The following CCT6B variants were observed in gnomAD, a reference collection of about 807,000 sequenced individuals.
CCT6B encodes chaperonin containing TCP1 subunit 6B, also known as probable T-complex protein 1 subunit zeta-2.
CCT6B carries 49 observed loss-of-function variants against 61.5 expected under a neutral mutation model. The ratio of observed to expected loss-of-function variants is 0.80; its 90% CI spans 0.63 to 1.01. CCT6B has a LOEUF of 1.01. Among genes scored for constraint, CCT6B ranks in the 50% least tolerant of loss-of-function variants. CCT6B has a pLI of 0.00. For missense variants in CCT6B, 666 were observed against 634.7 expected, an observed-to-expected ratio of 1.05 and a Z score of -0.53; for synonymous variants, 228 against 214.5, an observed-to-expected ratio of 1.06 and a Z score of -0.55.
chr17:34,961,233 T>C (rs2090412385), intron 1 of CCT6B, 24 bp downstream of exon 1: 2 of 1,585,052 alleles, frequency 1.3e-6, no homozygotes. Flanking sequence ...AGCCGCGTAA[T>C]GGCCGCTCCA....
At chr17:34,932,788 C>CA (rs1555548388) in intron 10 of CCT6B, among the ~76,000 whole-genome samples, 1 of 151,582 alleles carries the variant, frequency 6.6e-6, no homozygotes. Context: ...TTTATAACTA[C>CA]TTTTTTTTTC....
chr17:34,960,083 C>T (rs1049017351), intron 1 of CCT6B, among the ~76,000 whole-genome samples: 1 of 152,190 alleles, frequency 6.6e-6, no homozygotes, highest in African/African-American at 2.4e-5. Context: ...AATCTGCCAC[C>T]TTCTCTCCAT....
chr17:34,941,657 T>C (rs1468504144), intron 7 of CCT6B, among the ~76,000 whole-genome samples: 1 of 152,232 alleles, frequency 6.6e-6, no homozygotes, highest in Non-Finnish European at 1.5e-5. Flanking sequence ...TGTCAGTCAT[T>C]CTTCCAGGTA....
chr17:34,939,163 A>G lies in CCT6B; in HGVS notation c.1213+20T>C, dbSNP rs1308600999. The G allele has an allele frequency of 2.5e-6, 4 of 1,606,256 alleles. No homozygotes were observed. Among genetic ancestry groups the G allele is most frequent in the Non-Finnish European group, 3.4e-6 (4 of 1,173,344 alleles). ...CACACATATACATGAGGTTCATATC[A>G]ATCACAAGAAAGAGCTTACCATCTT... On this transcript the variant is annotated intron_variant, in intron 10 of 13. Coordinates refer to ENST00000314144, the MANE Select transcript of CCT6B (RefSeq NM_006584.4).
chr17:34,961,275 G>A lies in CCT6B; in HGVS notation c.119C>T (p.Pro40Leu). Residue 40 changes from proline to leucine, a missense_variant, in exon 1 of 14, where the codon CCT (proline) becomes CTT (leucine). Coordinates refer to ENST00000314144, the MANE Select transcript of CCT6B (RefSeq NM_006584.4). ...GTCTCACATTTTCATGGTGCCTTTA[G>A]GACCCAAGTTGGTCCGCAGCACATC... is the stretch of plus-strand genomic sequence containing the variant. ...LQDVLRTNLG[P>L]KGTMKMLVSG... is the part of the protein sequence containing the mutation. The A allele has an allele frequency of 2.5e-6, 4 of 1,610,898 alleles. No individual in the cohort carries two copies. Among genetic ancestry groups the A allele is most frequent in the Non-Finnish European group, 3.4e-6 (4 of 1,178,870 alleles).
chr17:34,942,829 A>G lies in CCT6B; in HGVS notation c.692T>C (p.Leu231Pro), dbSNP rs1159228113. The change falls in exon 6 of 14, where the codon CTT becomes CCT. Residue 231 changes from leucine (L) to proline (P), a missense_variant. Coordinates refer to ENST00000314144, the MANE Select transcript of CCT6B (RefSeq NM_006584.4). ...ATATTCCAGTGAAACGTTGCAAATA[A>G]GGATAAATGCATCTTCTACTCGCTT... ...MKKRVEDAFI[L>P]ICNVSLEYEK... is the part of the protein sequence containing the mutation. 1 of 1,609,758 alleles carries G rather than the reference A, an allele frequency of 6.2e-7. No homozygotes were observed. Among genetic ancestry groups the G allele is most frequent in the Non-Finnish European group, 8.5e-7 (1 of 1,177,774 alleles).
intron 1 of CCT6B, 113 bp from the exon 2 acceptor site, chr17:34,959,763 TG>T: frequency 5.9e-6 from 4 of 678,620 alleles, no homozygotes; most frequent in Non-Finnish European, 1.1e-5. Context: ...CACTGTACCA[TG>T]GGAATATGCC....
intron 5 of CCT6B, chr17:34,943,731 T>C (rs1187384252): frequency 6.6e-6 from 1 of 151,738 alleles, no homozygotes; most frequent in African/African-American, 2.4e-5. Flanking sequence ...AACCTGCACG[T>C]TGTGCACATG....
intron 11 of CCT6B, among the ~76,000 whole-genome samples, chr17:34,931,965 A>T (rs1427735206): frequency 1.3e-5 from 2 of 152,192 alleles, no homozygotes; most frequent in Non-Finnish European, 2.9e-5. Flanking sequence ...AAAGAGCCTC[A>T]AGCCCTCCCT....
chr17:34,942,058 C>T (rs1198601932), intron 7 of CCT6B, among the ~76,000 whole-genome samples: 1 of 150,988 alleles, frequency 6.6e-6, no homozygotes, highest in Non-Finnish European at 1.5e-5. Flanking sequence ...AAAAAAAAAA[C>T]AGTGCTTTGT....
intron 5 of CCT6B, chr17:34,943,387 A>G (rs1421096205): frequency 1.3e-5 from 2 of 152,348 alleles, no homozygotes; most frequent in Admixed American, 1.3e-4. Context: ...CAAAATGATT[A>G]TATGGAACAA....
At chr17:34,952,167 T>C in intron 4 of CCT6B, 114 bp from the exon 5 acceptor site, 1 of 607,612 alleles carries the variant, frequency 1.6e-6, no homozygotes, top group Non-Finnish European at 2.9e-6. Context: ...ATTCAAAACC[T>C]AGGGCAAGAC....
intron 7 of CCT6B, among the ~76,000 whole-genome samples, chr17:34,941,572 T>G (rs2090164080): frequency 6.6e-6 from 1 of 152,256 alleles, no homozygotes; most frequent in African/African-American, 2.4e-5. Flanking sequence ...TCAGTTGTTT[T>G]AAGTCACAGA....
At chr17:34,942,118 G>A (rs2090170384) in intron 7 of CCT6B, among the ~76,000 whole-genome samples, 1 of 148,398 alleles carries the variant, frequency 6.7e-6, no homozygotes, top group Non-Finnish European at 1.5e-5. Flanking sequence ...GCATATTTCA[G>A]AATCAAAATT....
At chr17:34,958,313 G>A (rs755578547) in intron 3 of CCT6B, among the ~76,000 whole-genome samples, 6 of 152,014 alleles carry the variant, frequency 3.9e-5, no homozygotes, top group African/African-American at 9.7e-5. Flanking sequence ...GCATGATGGC[G>A]CATGCCTGTA....
intron 5 of CCT6B, among the ~76,000 whole-genome samples, chr17:34,947,709 C>T (rs544576973): frequency 1.0e-3 from 152 of 152,164 alleles, no homozygotes; most frequent in African/African-American, 3.6e-3. Context: ...TGGCTGGGCG[C>T]GGTGGCTCAC....
chr17:34,942,051 A>C (rs367788794), intron 7 of CCT6B, among the ~76,000 whole-genome samples: 1 of 152,174 alleles, frequency 6.6e-6, no homozygotes, highest in Non-Finnish European at 1.5e-5. Context: ...AAAAGAAAAA[A>C]AAAAAACAGT....
chr17:34,951,584 C>G (rs1408008896), intron 5 of CCT6B, among the ~76,000 whole-genome samples: 1 of 152,236 alleles, frequency 6.6e-6, no homozygotes, highest in East Asian at 1.9e-4. Context: ...CCTAGTCACA[C>G]TTCTGCCTCA....
At chr17:34,932,553 G>A (rs2090048630) in intron 10 of CCT6B, 53 bp from the exon 11 acceptor site, 1 of 1,515,072 alleles carries the variant, frequency 6.6e-7, no homozygotes, top group African/African-American at 1.4e-5. Flanking sequence ...GACCAAAAGA[G>A]AGAGAGAGAC....
Sources: allele counts gnomAD v4.1 joint callset (sites outside exome capture counted in the v4.1 genomes callset), GRCh38; gene constraint gnomAD v4.1.1; transcripts MANE v1.5; gene names NCBI Gene and HGNC (gene_info 2026-07-23, HGNC 2026-07-21).